NALF1: variants seen among roughly 807,000 people sequenced by gnomAD.
The protein encoded by NALF1 is family with sequence similarity 155 member A.
In NALF1, 3 loss-of-function variants were observed where a neutral mutation model predicts 48.4. That is an observed-to-expected ratio of 0.06 (90% confidence interval 0.03 to 0.16). The LOEUF (loss-of-function observed/expected upper bound fraction) is 0.16. Ranked by LOEUF, NALF1 falls within the 10% of genes least tolerant of loss-of-function variation. The pLI, the probability that NALF1 is intolerant of heterozygous loss-of-function variation, is 1.00. For synonymous variants in NALF1, 262 were observed against 245.7 expected (o/e 1.07, Z -0.62); for missense variants, 526 against 571.5 (o/e 0.92, Z 0.81).
chr13:107,626,509 A>C (rs916900742), intron 1 of NALF1, among the ~76,000 whole-genome samples: 1 of 152,130 alleles, frequency 6.6e-6, no homozygotes, highest in Non-Finnish European at 1.5e-5. Context: ...AAAATATGGA[A>C]TCAATCTAAG....
At chr13:107,410,111 T>C (rs1317871626) in intron 1 of NALF1, among the ~76,000 whole-genome samples, 2 of 152,222 alleles carry the variant, frequency 1.3e-5, no homozygotes, top group African/African-American at 2.4e-5. Flanking sequence ...AAAGTAACAA[T>C]GCTTGGTGCT....
chr13:107,829,771 T>C (rs1194409707), intron 1 of NALF1, among the ~76,000 whole-genome samples: 1 of 152,180 alleles, frequency 6.6e-6, no homozygotes, highest in East Asian at 1.9e-4. Context: ...GAAGTTGGCA[T>C]TTCTATACTT....
intron 1 of NALF1, among the ~76,000 whole-genome samples, chr13:107,469,774 C>T (rs1377837553): frequency 1.8e-5 from 2 of 110,120 alleles, no homozygotes; most frequent in Non-Finnish European, 3.3e-5. Context: ...GACAGCGTCT[C>T]GCTCTGTTGC....
At chr13:107,487,223 C>T (rs1354926513) in intron 1 of NALF1, among the ~76,000 whole-genome samples, 2 of 152,038 alleles carry the variant, frequency 1.3e-5, no homozygotes, top group Non-Finnish European at 2.9e-5. Context: ...TCTAGATGGA[C>T]AATATTAATA....
At chr13:107,415,379 G>GTT (rs959870844) in intron 1 of NALF1, among the ~76,000 whole-genome samples, 1 of 137,222 alleles carries the variant, frequency 7.3e-6, no homozygotes, top group African/African-American at 2.7e-5. Context: ...TAAGGAGAGA[G>GTT]TTTTTTTTTT....
intron 1 of NALF1, among the ~76,000 whole-genome samples, chr13:107,726,957 G>A (rs1876173958): frequency 6.6e-6 from 1 of 150,400 alleles, no homozygotes; most frequent in Non-Finnish European, 1.5e-5. Flanking sequence ...GTGTGTGTGT[G>A]TGTGTGAAAT....
chr13:107,204,893 C>T (rs1247363172), intron 2 of NALF1, among the ~76,000 whole-genome samples: 1 of 143,754 alleles, frequency 7.0e-6, no homozygotes, highest in Admixed American at 7.3e-5. Flanking sequence ...AATGAACATA[C>T]GCATACGCAG....
At chr13:107,660,123 A>T (rs1466018713) in intron 1 of NALF1, among the ~76,000 whole-genome samples, 1 of 151,974 alleles carries the variant, frequency 6.6e-6, no homozygotes, top group Non-Finnish European at 1.5e-5. Context: ...GATAACACAA[A>T]CCATAGTCTC....
At chr13:107,841,791 G>C (rs1162975196) in intron 1 of NALF1, among the ~76,000 whole-genome samples, 1 of 151,794 alleles carries the variant, frequency 6.6e-6, no homozygotes, top group East Asian at 1.9e-4. Flanking sequence ...AAGTCAAAAT[G>C]TACGCCTTTT....
At chr13:107,457,221 T>C (rs1424639543) in intron 1 of NALF1, among the ~76,000 whole-genome samples, 1 of 152,170 alleles carries the variant, frequency 6.6e-6, no homozygotes, top group Admixed American at 6.5e-5. Flanking sequence ...AAATCACAAA[T>C]GGTAATAGCA....
chr13:107,710,534 C>A (rs1406361297), intron 1 of NALF1, among the ~76,000 whole-genome samples: 1 of 149,480 alleles, frequency 6.7e-6, no homozygotes, highest in Admixed American at 6.6e-5. Context: ...CTCAGAAAAT[C>A]ATGGCAGAAG....
At chr13:107,808,599 T>C (rs891067844) in intron 1 of NALF1, among the ~76,000 whole-genome samples, 2 of 150,962 alleles carry the variant, frequency 1.3e-5, no homozygotes, top group African/African-American at 4.9e-5. Context: ...AAAGAGGGAG[T>C]GATCTTTCTT....
chr13:107,387,593 G>A (rs970220523), intron 1 of NALF1, among the ~76,000 whole-genome samples: 2 of 152,022 alleles, frequency 1.3e-5, no homozygotes, highest in Admixed American at 6.6e-5. Context: ...TCCCAAAAAC[G>A]ACACCATTTC....
intron 1 of NALF1, among the ~76,000 whole-genome samples, chr13:107,804,701 A>T (rs1330974416): frequency 6.6e-6 from 1 of 152,184 alleles, no homozygotes; most frequent in African/African-American, 2.4e-5. Flanking sequence ...GAATGTCTGG[A>T]CATATCAGCC....
At chr13:107,756,435 C>CTATATACA (rs1555323654) in intron 1 of NALF1, among the ~76,000 whole-genome samples, 1 of 141,056 alleles carries the variant, frequency 7.1e-6, no homozygotes, top group African/African-American at 2.7e-5. Context: ...AGTTTAATGG[C>CTATATACA]TATATATATA....
chr13:107,361,966 C>T (rs527584609), intron 1 of NALF1, among the ~76,000 whole-genome samples: 93 of 152,204 alleles, frequency 6.1e-4, no homozygotes, highest in African/African-American at 2.2e-3. Context: ...CCTTTTTCTC[C>T]TGTCTAGGAA....
chr13:107,861,662 T>C (rs1880573157), intron 1 of NALF1, among the ~76,000 whole-genome samples: 1 of 152,168 alleles, frequency 6.6e-6, no homozygotes, highest in African/African-American at 2.4e-5. Context: ...CGCGCACCTG[T>C]AGTCCCAGCT....
At chr13:107,523,878 A>G (rs558494520) in intron 1 of NALF1, among the ~76,000 whole-genome samples, 3 of 152,288 alleles carry the variant, frequency 2.0e-5, no homozygotes, top group South Asian at 4.1e-4. Flanking sequence ...ATGCTATGTT[A>G]TAACCTCTTA....
chr13:107,299,725 T>G (rs1190078164), intron 1 of NALF1, among the ~76,000 whole-genome samples: 1 of 151,490 alleles, frequency 6.6e-6, no homozygotes, highest in Non-Finnish European at 1.5e-5. Context: ...TATTCGATTA[T>G]GTATTTGAAT....
Sources: allele counts gnomAD v4.1 joint callset (sites outside exome capture counted in the v4.1 genomes callset), GRCh38; gene constraint gnomAD v4.1.1; transcripts MANE v1.5; gene names NCBI Gene and HGNC (gene_info 2026-07-23, HGNC 2026-07-21).